Variants in CCAR1 observed in about 807,000 individuals in gnomAD.
The protein encoded by CCAR1 is cell division cycle and apoptosis regulator protein 1.
Under a neutral mutation model 163.8 loss-of-function variants are expected in CCAR1, and 78 were observed. The ratio of observed to expected loss-of-function variants is 0.48; its 90% CI spans 0.40 to 0.57. CCAR1 has a LOEUF of 0.57. CCAR1 is among the 20% of genes least tolerant of loss of function. The probability of loss-of-function intolerance (pLI) is 0.00; values close to 1 mark genes in which losing one functional copy is unlikely to be tolerated. For missense variants in CCAR1, 1,019 were observed against 1,365.2 expected, an observed-to-expected ratio of 0.75 and a Z score of 4.00; for synonymous variants, 443 against 460.7, an observed-to-expected ratio of 0.96 and a Z score of 0.49.
chr10:68,772,037 A>AT (rs2056610486), intron 18 of CCAR1, among the ~76,000 whole-genome samples: 2 of 151,420 alleles, frequency 1.3e-5, no homozygotes, highest in African/African-American at 4.9e-5. Context: ...TGCCCAGCTA[A>AT]TTTTTTTGTT....
rs1038933401 is a variant in CCAR1 at position 68,784,697 on chromosome 10, C to T, written c.2651-1439C>T. 3.5e-4 allele frequency among the ~76,000 whole-genome samples: 53 copies of T among 151,918 alleles called. 1 individual carries two copies. Among genetic ancestry groups the T allele is most frequent in the African/African-American group, 1.2e-3 (50 of 41,360 alleles). ...CCAAGTAGCTGGAACCGCAGGCATG[C>T]GCTACTTAGTCTGACTCATTTTTTA... is the stretch of plus-strand genomic sequence containing the variant. On this transcript the variant is annotated intron_variant, in intron 19 of 24. Coordinates refer to ENST00000265872, the MANE Select transcript of CCAR1 (RefSeq NM_018237.4).
Position 68,792,174 on chromosome 10 carries a change from A to G in CCAR1, c.*908A>G, listed in dbSNP as rs945003310. 1 of 152,102 alleles carries G rather than the reference A, an allele frequency of 6.6e-6. No individual in the cohort carries two copies. The highest frequency in any genetic ancestry group is 1.5e-5 in the Non-Finnish European group (1 of 68,012). 9.4% of individuals were successfully genotyped at this position (152,102 alleles called of 1,614,324 possible). Reference sequence around the variant, plus strand: ...GTTCTTTATGGGTTAGACTTTACATAATATTAGTTGTCCTGATGTCAATGT... The same window carrying G: ...GTTCTTTATGGGTTAGACTTTACATGATATTAGTTGTCCTGATGTCAATGT... On this transcript the variant is annotated 3_prime_UTR_variant, in exon 25 of 25. Transcript: ENST00000265872.
intron 6 of CCAR1, among the ~76,000 whole-genome samples, chr10:68,746,377 G>A (rs902467798): frequency 1.2e-4 from 18 of 152,004 alleles, no homozygotes; most frequent in African/African-American, 4.1e-4. Flanking sequence ...CTCGGGTACA[G>A]GCGATTCGCA....
chr10:68,776,225 T>C (rs756127832), intron 19 of CCAR1, among the ~76,000 whole-genome samples: 3 of 151,884 alleles, frequency 2.0e-5, no homozygotes, highest in South Asian at 2.1e-4. Context: ...TTCTCAAATT[T>C]CTAATTTTCT....
chr10:68,787,911 C>T lies in CCAR1; in HGVS notation c.2881-16C>T, dbSNP rs1332857379. 11 of 1,584,210 alleles carry T rather than the reference C, an allele frequency of 6.9e-6. No individual in the cohort carries two copies. The highest frequency in any genetic ancestry group is 7.7e-6 in the Non-Finnish European group (9 of 1,170,012). The stretch of plus-strand genomic sequence containing the variant: ...TATTTTCATCTCTGTATTTTGTTTA[C>T]TTGCATGCATAACAGGTAAAGAAGC... On this transcript the variant is annotated splice_polypyrimidine_tract_variant and intron_variant, in intron 21 of 24. Transcript: ENST00000265872.
intron 6 of CCAR1, among the ~76,000 whole-genome samples, chr10:68,743,851 A>G (rs1290899815): frequency 2.0e-5 from 3 of 152,104 alleles, no homozygotes; most frequent in African/African-American, 7.2e-5. Flanking sequence ...CCCAAGTTCA[A>G]GTAGTTCCCT....
At chr10:68,770,690 C>T (rs1243296326) in intron 17 of CCAR1, among the ~76,000 whole-genome samples, 2 of 152,106 alleles carry the variant, frequency 1.3e-5, no homozygotes, top group Non-Finnish European at 2.9e-5. Context: ...TTGCAGTGAG[C>T]CCACATCATG....
chr10:68,770,829 G>A (rs1047342718), intron 17 of CCAR1, among the ~76,000 whole-genome samples: 3 of 152,238 alleles, frequency 2.0e-5, no homozygotes, highest in Admixed American at 2.0e-4. Context: ...TGTAATCCCA[G>A]CACTTTGGGA....
In CCAR1 at chr10:68,725,402, A is replaced by AT. The variant is rs796306863; in HGVS notation, c.73+2825_73+2826insT. Among the ~76,000 whole-genome samples, 364 of 152,002 alleles carry AT rather than the reference A, an allele frequency of 2.4e-3. 3 individuals are homozygous for AT. The highest frequency in any genetic ancestry group is 6.8e-3 in the Middle Eastern group (2 of 294). On this transcript the variant is annotated intron_variant, in intron 2 of 24. Transcript: ENST00000265872. ...AGCAGAGTGAGACTCCAGCTCAAAA[A>AT]AAATAAATAAAAATAAAGTCAACAA...
chr10:68,766,775 T>G lies in CCAR1; in HGVS notation c.2298+696T>G, dbSNP rs142690951. Among the ~76,000 whole-genome samples, 871 of 152,326 alleles carry G rather than the reference T, an allele frequency of 5.7e-3. 11 individuals carry two copies. Among genetic ancestry groups the G allele is most frequent in the African/African-American group, 0.02 (829 of 41,572 alleles). On this transcript the variant is annotated intron_variant, in intron 17 of 24. Coordinates refer to ENST00000265872, the MANE Select transcript of CCAR1 (RefSeq NM_018237.4). ...TCCAACCTCAGGTGATCTGCCCGCC[T>G]CAGCCTCCCAAAGTGCTGGGATTAC...
intron 18 of CCAR1, 73 bp from the exon 19 acceptor site, chr10:68,772,915 A>C (rs2133151): frequency 0.033 from 23,821 of 725,694 alleles, 448 homozygotes; most frequent in Middle Eastern, 0.063. Flanking sequence ...GTTGGAGACC[A>C]GCGTGGGCAA....
chr10:68,760,969 C>A, intron 15 of CCAR1, 38 bp from the exon 16 acceptor site: 1 of 1,069,552 alleles, frequency 9.3e-7, no homozygotes, highest in Non-Finnish European at 1.3e-6. Flanking sequence ...CCCCCGCCAC[C>A]TTTTTTTTTT....
intron 16 of CCAR1, among the ~76,000 whole-genome samples, chr10:68,764,041 A>G (rs2056506957): frequency 6.6e-6 from 1 of 152,328 alleles, no homozygotes; most frequent in East Asian, 1.9e-4. Context: ...GATATGGAAG[A>G]TAGATATATA....
chr10:68,775,687 CTTTTTTTTTTTTTT>C (rs71028782), intron 19 of CCAR1, among the ~76,000 whole-genome samples: 1 of 51,762 alleles, frequency 1.9e-5, no homozygotes, highest in Non-Finnish European at 3.2e-5. Flanking sequence ...TTTTTCTTTT[CTTTTTTTTTTTTTT>C]TTTTTTTTTT....
intron 6 of CCAR1, among the ~76,000 whole-genome samples, chr10:68,745,409 T>C (rs945113988): frequency 6.6e-6 from 1 of 151,712 alleles, no homozygotes; most frequent in African/African-American, 2.4e-5. Context: ...TCAAGGGATC[T>C]TCCTGCTTCA....
chr10:68,773,333 A>G (rs112034211), intron 19 of CCAR1, among the ~76,000 whole-genome samples: 3 of 152,122 alleles, frequency 2.0e-5, no homozygotes, highest in African/African-American at 4.8e-5. Context: ...TTGGCGGAAC[A>G]AATTTCCCGG....
chr10:68,753,185 C>CT (rs1299045271), intron 10 of CCAR1, among the ~76,000 whole-genome samples: 2 of 151,356 alleles, frequency 1.3e-5, no homozygotes, highest in Non-Finnish European at 2.9e-5. Context: ...TTTAAAAGCT[C>CT]TACTTCTTAG....
At chr10:68,762,663 A>G (rs1164143532) in intron 16 of CCAR1, among the ~76,000 whole-genome samples, 1 of 152,216 alleles carries the variant, frequency 6.6e-6, no homozygotes, top group Non-Finnish European at 1.5e-5. Flanking sequence ...ATCATTATTT[A>G]TGAAGAATTA....
At chr10:68,764,090 A>G (rs1264015552) in intron 16 of CCAR1, among the ~76,000 whole-genome samples, 1 of 152,196 alleles carries the variant, frequency 6.6e-6, no homozygotes, top group East Asian at 1.9e-4. Flanking sequence ...ATTTAAATCT[A>G]TATTTATTTC....
Sources: gnomAD v4.1 joint callset for allele counts (sites outside exome capture counted in the v4.1 genomes callset) on GRCh38, gnomAD v4.1.1 for gene constraint, MANE v1.5 for transcripts, NCBI Gene and HGNC (gene_info 2026-07-23, HGNC 2026-07-21) for gene names.